Variants in TMEM196 observed in about 807,000 individuals in gnomAD.
TMEM196 encodes transmembrane protein 196.
A neutral mutation model predicts 20.0 loss-of-function variants in TMEM196; 17 were observed. That is an observed-to-expected ratio of 0.85 (90% CI 0.58 to 1.27). The LOEUF (loss-of-function observed/expected upper bound fraction) is 1.27, where lower values mean the gene tolerates loss of function less well. Ranked by LOEUF, TMEM196 falls within the 50% of genes most tolerant of loss-of-function variation. TMEM196 has a pLI of 0.00. For synonymous variants in TMEM196, 113 were observed against 88.9 expected (o/e 1.27, Z -1.52); for missense variants, 267 against 223.0 (o/e 1.20, Z -1.26).
At chr7:19,724,201 T>A in intron 4 of TMEM196, 79 bp downstream of exon 4, 1 of 1,264,572 alleles carries the variant, frequency 7.9e-7, no homozygotes, top group Non-Finnish European at 1.1e-6. Flanking sequence ...ACTGATCTGT[T>A]GACATCATGG....
chr7:19,725,826 A>C, intron 2 of TMEM196, 58 bp from the exon 3 acceptor site: 1 of 1,516,050 alleles, frequency 6.6e-7, no homozygotes, highest in Non-Finnish European at 8.9e-7. Context: ...ACCAGAACAC[A>C]GTTGCCCTGT....
chr7:19,746,862 C>A (rs1471644757), intron 1 of TMEM196, among the ~76,000 whole-genome samples: 1 of 152,296 alleles, frequency 6.6e-6, no homozygotes, highest in African/African-American at 2.4e-5. Context: ...AGAACCTCAG[C>A]AGGAAGGAAT....
At chr7:19,764,795 G>A (rs1785560577) in intron 1 of TMEM196, among the ~76,000 whole-genome samples, 1 of 152,136 alleles carries the variant, frequency 6.6e-6, no homozygotes, top group Non-Finnish European at 1.5e-5. Flanking sequence ...TGTGCTTGTT[G>A]ATTGATTGAC....
At chr7:19,739,123 A>G (rs1784502274) in intron 1 of TMEM196, among the ~76,000 whole-genome samples, 1 of 152,156 alleles carries the variant, frequency 6.6e-6, no homozygotes, top group South Asian at 2.1e-4. Flanking sequence ...GAGCCAGTAG[A>G]CAATTCAAAT....
At chr7:19,753,425 C>T (rs1299070497) in intron 1 of TMEM196, among the ~76,000 whole-genome samples, 2 of 152,172 alleles carry the variant, frequency 1.3e-5, no homozygotes, top group Non-Finnish European at 2.9e-5. Context: ...AGCACATGTT[C>T]ATTCTCTTTA....
At chr7:19,738,376 T>G (rs994534993) in intron 1 of TMEM196, among the ~76,000 whole-genome samples, 34 of 152,106 alleles carry the variant, frequency 2.2e-4, no homozygotes, top group African/African-American at 6.3e-4. Context: ...GATGGTTACA[T>G]ATATAACTAT....
intron 1 of TMEM196, among the ~76,000 whole-genome samples, chr7:19,766,338 A>G (rs1021459640): frequency 3.3e-5 from 5 of 151,990 alleles, no homozygotes; most frequent in African/African-American, 7.2e-5. Context: ...AATATGCTCA[A>G]TGAGAGTCTA....
intron 1 of TMEM196, among the ~76,000 whole-genome samples, chr7:19,749,718 A>T (rs888945928): frequency 6.6e-6 from 1 of 152,044 alleles, no homozygotes; most frequent in East Asian, 1.9e-4. Flanking sequence ...GATTTTTCTC[A>T]TCTATTTTTG....
Position 19,759,778 on chromosome 7 carries a change from T to G in TMEM196, c.147+12772A>C, listed in dbSNP as rs112450106. On this transcript the variant is annotated intron_variant, in intron 1 of 4. Coordinates refer to ENST00000405844, the MANE Select transcript of TMEM196 (RefSeq NM_001363562.2). The stretch of plus-strand genomic sequence containing the variant: ...TGGTAATTATTCTTAATACATCCCC[T>G]CTATAATGGCATAAAATTGAACACA... 6.3e-4 allele frequency among the ~76,000 whole-genome samples: 96 copies of G among 152,290 alleles called. 2 individuals are homozygous for G. Among genetic ancestry groups the G allele is most frequent in the African/African-American group, 2.3e-3 (96 of 41,574 alleles).
intron 1 of TMEM196, among the ~76,000 whole-genome samples, chr7:19,756,996 G>T (rs1009512715): frequency 6.6e-6 from 1 of 152,058 alleles, no homozygotes; most frequent in African/African-American, 2.4e-5. Flanking sequence ...ATGAGGCACA[G>T]TTCCAGTAAT....
intron 1 of TMEM196, among the ~76,000 whole-genome samples, chr7:19,744,451 C>A (rs1028863106): frequency 1.3e-5 from 2 of 152,100 alleles, no homozygotes; most frequent in African/African-American, 2.4e-5. Context: ...TTTCTGTTTC[C>A]TGGAGTAACA....
intron 2 of TMEM196, among the ~76,000 whole-genome samples, chr7:19,726,615 C>T (rs922285744): frequency 2.0e-5 from 3 of 151,910 alleles, no homozygotes; most frequent in African/African-American, 4.8e-5. Context: ...GGTTGAATCT[C>T]GGTGTCTATT....
chr7:19,720,916 G>A lies in TMEM196; in HGVS notation c.*1212C>T, dbSNP rs1780199633. 6.6e-6 allele frequency: 1 copy of A among 151,884 alleles called. No individual in the cohort carries two copies. Among genetic ancestry groups the A allele is most frequent in the Admixed American group, 6.6e-5 (1 of 15,228 alleles). 9.4% of individuals were successfully genotyped at this position (151,884 alleles called of 1,614,324 possible). A position where few individuals can be genotyped will look rare whatever the true frequency, so the allele number is the denominator to read the frequency against. ...GTATCATTTAACTGGACTGCAAGGT[G>A]TTTGAAATATCAATATCATCAATAA... On this transcript the variant is annotated 3_prime_UTR_variant, in exon 5 of 5. Coordinates refer to ENST00000405844, the MANE Select transcript of TMEM196 (RefSeq NM_001363562.2).
chr7:19,731,452 G>A (rs761030970), intron 1 of TMEM196, among the ~76,000 whole-genome samples: 6 of 152,164 alleles, frequency 3.9e-5, no homozygotes, highest in African/African-American at 7.2e-5. Flanking sequence ...AGAAATTCCA[G>A]TTTGGACCAA....
intron 1 of TMEM196, among the ~76,000 whole-genome samples, chr7:19,746,381 C>G (rs759420539): frequency 1.3e-5 from 2 of 152,208 alleles, no homozygotes; most frequent in Non-Finnish European, 2.9e-5. Flanking sequence ...TATACCGACT[C>G]TCTTTTTAAT....
At chr7:19,724,432 A>G (rs1783919899) in intron 3 of TMEM196, 79 bp from the exon 4 acceptor site, 1 of 1,271,524 alleles carries the variant, frequency 7.9e-7, no homozygotes, top group African/African-American at 1.5e-5. Flanking sequence ...TATAAAATAA[A>G]GCACAAAAGA....
At chr7:19,759,262 T>C (rs1361575653) in intron 1 of TMEM196, among the ~76,000 whole-genome samples, 7 of 152,206 alleles carry the variant, frequency 4.6e-5, no homozygotes, top group East Asian at 1.9e-4. Flanking sequence ...ATGACAGCCA[T>C]GTTTCAGCCT....
chr7:19,739,462 C>T (rs1322133240), intron 1 of TMEM196, among the ~76,000 whole-genome samples: 1 of 151,994 alleles, frequency 6.6e-6, no homozygotes, highest in African/African-American at 2.4e-5. Context: ...GGATTAGTGA[C>T]CTTATAAAGG....
intron 1 of TMEM196, among the ~76,000 whole-genome samples, chr7:19,736,354 TATATATATA>T (rs1784402429): frequency 1.8e-4 from 16 of 88,096 alleles, no homozygotes; most frequent in South Asian, 6.5e-4. Context: ...TGGTTCCTAC[TATATATATA>T]TATATATATA....
Sources: gnomAD v4.1 joint callset for allele counts (sites outside exome capture counted in the v4.1 genomes callset) on GRCh38, gnomAD v4.1.1 for gene constraint, MANE v1.5 for transcripts, NCBI Gene and HGNC (gene_info 2026-07-23, HGNC 2026-07-21) for gene names.